Variants in SYNE1 observed in about 807,000 individuals in gnomAD.
The protein encoded by SYNE1 is nesprin-1.
In SYNE1, 616 loss-of-function variants were observed where a neutral mutation model predicts 1,111.0. That is an observed-to-expected ratio of 0.55 (90% CI 0.52 to 0.59). The LOEUF is 0.59. SYNE1 is among the 20% of genes least tolerant of loss of function. SYNE1 has a pLI of 0.00. For missense variants in SYNE1, 10,006 were observed against 10,417.0 expected (o/e 0.96, Z 1.72); for synonymous variants, 3,855 against 3,825.8 (o/e 1.01, Z -0.28).
rs767936566 is a variant in SYNE1, at chr6:152,309,875, C to T, written c.17162G>A (p.Arg5721Gln). The T allele has an allele frequency of 1.9e-5, 30 of 1,613,934 alleles. No individual in the cohort carries two copies. Among genetic ancestry groups the T allele is most frequent in the East Asian group, 8.9e-5 (4 of 44,880 alleles). ...CTGCTGGATGGCGGTGTGCTGCAGC[C>T]GGCTGGCCTCTTCCTGCAGCCGCAG... ...AALRLQEEASRLQHTAIQQCN... is the reference protein window; with the variant it reads ...AALRLQEEASQLQHTAIQQCN... The change falls in exon 90 of 146, where the codon CGG (arginine) becomes CAG (glutamine). Residue 5721 changes from arginine (R) to glutamine (Q), a missense_variant. This residue lies in a region of SYNE1 where 4,955 missense variants were observed against 5,017.2 expected (regional missense o/e 0.99). Transcript: ENST00000367255.
intron 141 of SYNE1, 44 bp downstream of exon 141, chr6:152,136,574 T>C (rs2057128035): frequency 1.2e-6 from 2 of 1,608,450 alleles, no homozygotes; most frequent in Non-Finnish European, 1.7e-6. Context: ...GCTAAATTGC[T>C]AATGTCTCTC....
At chr6:152,424,401 C>T (rs1475406233) in intron 39 of SYNE1, among the ~76,000 whole-genome samples, 1 of 152,186 alleles carries the variant, frequency 6.6e-6, no homozygotes. Context: ...AAGGGATAGG[C>T]AAAGGGCAGC....
chr6:152,481,390 C>T, intron 14 of SYNE1: 1 of 282,788 alleles, frequency 3.5e-6, no homozygotes, highest in South Asian at 3.5e-5. Context: ...AATATACATT[C>T]TACATTTCAT....
intron 127 of SYNE1, among the ~76,000 whole-genome samples, chr6:152,190,595 C>T (rs114420560): frequency 0.035 from 5,380 of 152,120 alleles, 123 homozygotes; most frequent in Middle Eastern, 0.054. Context: ...CCATTTATAC[C>T]CTTTTATTTA....
chr6:152,516,409 T>C (rs2099111999), intron 6 of SYNE1, among the ~76,000 whole-genome samples: 2 of 152,256 alleles, frequency 1.3e-5, no homozygotes, highest in South Asian at 4.1e-4. Context: ...GTCTTCTTTA[T>C]AAACAATGCC....
intron 87 of SYNE1, among the ~76,000 whole-genome samples, chr6:152,314,295 T>A (rs1177726126): frequency 6.6e-6 from 1 of 152,188 alleles, no homozygotes; most frequent in Non-Finnish European, 1.5e-5. Flanking sequence ...TCTATTCTTA[T>A]CTCTTATCCC....
At chr6:152,396,400 G>T (rs1261419391) in intron 50 of SYNE1, among the ~76,000 whole-genome samples, 1 of 152,098 alleles carries the variant, frequency 6.6e-6, no homozygotes, top group African/African-American at 2.4e-5. Context: ...TAGATCCACA[G>T]AATTCAATCA....
intron 14 of SYNE1, 41 bp from the exon 15 acceptor site, chr6:152,472,454 G>C (rs893003950): frequency 7.1e-6 from 11 of 1,554,528 alleles, no homozygotes; most frequent in Non-Finnish European, 9.8e-6. Flanking sequence ...TGAAAAACAT[G>C]TTTCACAGAG....
At chr6:152,371,930 C>CAGGAAAGGAAAGGAAAGGAAAGGAA (rs1563463633) in intron 59 of SYNE1, among the ~76,000 whole-genome samples, 19 of 37,020 alleles carry the variant, frequency 5.1e-4, no homozygotes, top group African/African-American at 1.5e-3. Flanking sequence ...AAGGACAGGA[C>CAGGAAAGGAAAGGAAAGGAAAGGAA]AGGACAGGAA....
chr6:152,450,039 T>C lies in SYNE1; in HGVS notation c.3396-398A>G, dbSNP rs559365915. Among the ~76,000 whole-genome samples the C allele has an allele frequency of 1.1e-4, 16 of 152,336 alleles. No individual in the cohort carries two copies. In the South Asian group the frequency reaches 3.3e-3, roughly 32 times the overall value. Reference sequence around the variant, plus strand: ...GCTGTGTCGCCACCCAAATCTCATCTTGAATTGTAGTTTCCATAATCCCCA... The same window carrying C: ...GCTGTGTCGCCACCCAAATCTCATCCTGAATTGTAGTTTCCATAATCCCCA... On this transcript the variant is annotated intron_variant, in intron 27 of 145. Coordinates refer to ENST00000367255, the MANE Select transcript of SYNE1 (RefSeq NM_182961.4).
intron 14 of SYNE1, chr6:152,478,722 C>A (rs1270615093): frequency 6.6e-6 from 1 of 152,054 alleles, no homozygotes; most frequent in African/African-American, 2.4e-5. Flanking sequence ...AAATAGTTGT[C>A]CCAGAAATGA....
chr6:152,239,418 C>T (rs1745827264), intron 108 of SYNE1, 115 bp downstream of exon 108: 2 of 1,247,500 alleles, frequency 1.6e-6, no homozygotes, highest in Admixed American at 3.5e-5. Flanking sequence ...CCCGAGAGCG[C>T]AGCTAGTTCT....
At chr6:152,631,645 G>A (rs1443886155) in intron 2 of SYNE1, among the ~76,000 whole-genome samples, 2 of 152,202 alleles carry the variant, frequency 1.3e-5, no homozygotes, top group Non-Finnish European at 2.9e-5. Flanking sequence ...TCAGACAGAG[G>A]TAGCAGAGTG....
At chr6:152,146,028 A>C (rs2059443250) in intron 137 of SYNE1, 1 of 162,070 alleles carries the variant, frequency 6.2e-6, no homozygotes. Context: ...TCGTCTCAAA[A>C]AAAAAAAAAA....
At chr6:152,434,129 T>C in intron 33 of SYNE1, 184 bp from the exon 34 acceptor site, 1 of 607,662 alleles carries the variant, frequency 1.6e-6, no homozygotes, top group Non-Finnish European at 2.9e-6. Flanking sequence ...TTTTCCTATC[T>C]TCTCTGAGAA....
chr6:152,180,930 C>A (rs1018276124), intron 128 of SYNE1, among the ~76,000 whole-genome samples: 2 of 150,898 alleles, frequency 1.3e-5, no homozygotes, highest in African/African-American at 4.9e-5. Context: ...TGTTTCTTTT[C>A]CTTCTTTTTT....
intron 44 of SYNE1, among the ~76,000 whole-genome samples, chr6:152,407,710 A>C (rs915760879): frequency 6.6e-6 from 1 of 152,096 alleles, no homozygotes; most frequent in African/African-American, 2.4e-5. Context: ...CTAAAATCCC[A>C]AAAGCTATAA....
At chr6:152,183,289 C>T (rs972842232) in intron 128 of SYNE1, among the ~76,000 whole-genome samples, 1 of 152,114 alleles carries the variant, frequency 6.6e-6, no homozygotes, top group Non-Finnish European at 1.5e-5. Flanking sequence ...TGAAACTATA[C>T]TCTTATTATT....
At chr6:152,367,782 G>A (rs2097106603) in intron 61 of SYNE1, 3 of 234,040 alleles carry the variant, frequency 1.3e-5, no homozygotes, top group Admixed American at 1.0e-4. Flanking sequence ...AAAATAATCT[G>A]AGATTTTTGT....
Sources: gnomAD v4.1 joint callset for allele counts (sites outside exome capture counted in the v4.1 genomes callset) on GRCh38, gnomAD v4.1.1 for gene constraint, gnomAD v4.1.1 regional missense constraint, MANE v1.5 for transcripts, NCBI Gene and HGNC (gene_info 2026-07-23, HGNC 2026-07-21) for gene names.